ATP8A2: variants seen among roughly 807,000 people sequenced by gnomAD.
ATP8A2 encodes phospholipid-transporting ATPase IB.
ATP8A2 carries 100 observed loss-of-function variants against 165.6 expected under a neutral mutation model. That is an observed-to-expected ratio of 0.60 (90% CI 0.51 to 0.71). The LOEUF is 0.71. Ranked by LOEUF, ATP8A2 falls within the 30% of genes least tolerant of loss-of-function variation. The pLI is 0.00. For synonymous variants in ATP8A2, 543 were observed against 548.8 expected, an observed-to-expected ratio of 0.99 and a Z score of 0.15; for missense variants, 1,227 against 1,479.5, an observed-to-expected ratio of 0.83 and a Z score of 2.80.
chr13:25,594,903 A>G (rs1341201894), intron 24 of ATP8A2, among the ~76,000 whole-genome samples: 1 of 151,832 alleles, frequency 6.6e-6, no homozygotes, highest in African/African-American at 2.4e-5. Context: ...TAGCAGCACA[A>G]TTCACAGTTG....
At chr13:25,906,904 A>G (rs900759259) in intron 33 of ATP8A2, among the ~76,000 whole-genome samples, 2 of 152,198 alleles carry the variant, frequency 1.3e-5, no homozygotes, top group Non-Finnish European at 2.9e-5. Flanking sequence ...GAAAAGACTC[A>G]CGAAACTGTT....
At chr13:25,569,242 G>T (rs1217979694) in intron 16 of ATP8A2, among the ~76,000 whole-genome samples, 1 of 152,096 alleles carries the variant, frequency 6.6e-6, no homozygotes, top group East Asian at 1.9e-4. Context: ...AATTCCCTAA[G>T]CTCATGACTT....
chr13:25,514,759 C>G (rs1394488810), intron 2 of ATP8A2, among the ~76,000 whole-genome samples: 1 of 152,160 alleles, frequency 6.6e-6, no homozygotes, highest in Non-Finnish European at 1.5e-5. Flanking sequence ...TCTATGCTTG[C>G]CACAGACCCT....
chr13:25,594,992 A>G (rs1296197655), intron 24 of ATP8A2, among the ~76,000 whole-genome samples: 2 of 149,696 alleles, frequency 1.3e-5, no homozygotes, highest in Non-Finnish European at 3.0e-5. Flanking sequence ...GTGTATATAT[A>G]TATATATATA....
At chr13:25,577,449 T>A (rs538567734) in intron 20 of ATP8A2, among the ~76,000 whole-genome samples, 1 of 152,342 alleles carries the variant, frequency 6.6e-6, no homozygotes, top group South Asian at 2.1e-4. Context: ...TGTTTTGACT[T>A]TGGGAAGACA....
intron 13 of ATP8A2, among the ~76,000 whole-genome samples, chr13:25,557,437 G>A (rs1048161967): frequency 7.2e-5 from 11 of 151,914 alleles, no homozygotes; most frequent in African/African-American, 2.7e-4. Context: ...TCCTTCTCCT[G>A]TAAGAATCAG....
intron 25 of ATP8A2, 115 bp from the exon 26 acceptor site, chr13:25,768,931 G>A: frequency 2.1e-6 from 2 of 966,350 alleles, no homozygotes; most frequent in Non-Finnish European, 3.2e-6. Flanking sequence ...TAAAATGGAT[G>A]TATTGAATTT....
intron 33 of ATP8A2, among the ~76,000 whole-genome samples, chr13:25,949,086 C>G (rs568654957): frequency 6.6e-6 from 1 of 152,220 alleles, no homozygotes; most frequent in Non-Finnish European, 1.5e-5. Context: ...GTACCTTCTC[C>G]CTCTGCTGTG....
At chr13:25,583,909 T>C (rs1377788092) in intron 23 of ATP8A2, among the ~76,000 whole-genome samples, 1 of 152,228 alleles carries the variant, frequency 6.6e-6, no homozygotes, top group African/African-American at 2.4e-5. Flanking sequence ...AATTGATCTT[T>C]CTTAGCAAGT....
chr13:25,393,270 C>T (rs1051542037), intron 1 of ATP8A2, among the ~76,000 whole-genome samples: 1 of 151,972 alleles, frequency 6.6e-6, no homozygotes, highest in Non-Finnish European at 1.5e-5. Context: ...TCTGGGGCTA[C>T]AGGCGCGTGC....
intron 33 of ATP8A2, among the ~76,000 whole-genome samples, chr13:25,892,472 CTCTCTG>C (rs2138904544): frequency 6.7e-6 from 1 of 148,388 alleles, no homozygotes; most frequent in East Asian, 2.1e-4. Flanking sequence ...CTCTCTCTGT[CTCTCTG>C]TCTCTCTCTC....
chr13:25,756,382 A>C (rs1368144624), intron 25 of ATP8A2, among the ~76,000 whole-genome samples: 2 of 148,804 alleles, frequency 1.3e-5, no homozygotes. Flanking sequence ...GCTGGAGTGA[A>C]GTGGTGTGGT....
In ATP8A2 at chr13:26,020,164, A is replaced by G. The variant is rs9581507; in HGVS notation, c.*179A>G. On this transcript the variant is annotated 3_prime_UTR_variant, in exon 37 of 37. Transcript: ENST00000381655. ...CCCTCGCAAACCTGGAGTGCAGACC[A>G]CAGGGGAAGCTATCTTTGCCCTCCC... The G allele has an allele frequency of 0.03, 18,100 of 600,834 alleles. 622 individuals are homozygous for G. Among genetic ancestry groups the G allele is most frequent in the African/African-American group, 0.12 (6,589 of 53,982 alleles). The allele number at this position is 600,834 out of a possible 1,614,324, so 37.2% of individuals were successfully genotyped here.
chr13:25,723,092 A>G (rs1376876109), intron 25 of ATP8A2, among the ~76,000 whole-genome samples: 1 of 152,234 alleles, frequency 6.6e-6, no homozygotes, highest in African/African-American at 2.4e-5. Flanking sequence ...GGTGATAGAC[A>G]TTTGGCTTCT....
At chr13:25,458,174 C>T (rs770403792) in intron 1 of ATP8A2, among the ~76,000 whole-genome samples, 1 of 152,180 alleles carries the variant, frequency 6.6e-6, no homozygotes, top group Admixed American at 6.5e-5. Context: ...ACGTGTTCAT[C>T]GTATGTCTTT....
At chr13:25,567,817 A>G (rs1292601229) in intron 16 of ATP8A2, among the ~76,000 whole-genome samples, 1 of 152,170 alleles carries the variant, frequency 6.6e-6, no homozygotes, top group Non-Finnish European at 1.5e-5. Context: ...ATAGGCTCCA[A>G]TATTTTTCTT....
chr13:25,649,667 A>T (rs1161854498), intron 24 of ATP8A2, among the ~76,000 whole-genome samples: 1 of 152,058 alleles, frequency 6.6e-6, no homozygotes, highest in Non-Finnish European at 1.5e-5. Flanking sequence ...AGGTGTTGTT[A>T]GACTCCCAGG....
intron 1 of ATP8A2, among the ~76,000 whole-genome samples, chr13:25,436,639 G>A (rs776329610): frequency 6.6e-6 from 1 of 152,118 alleles, no homozygotes; most frequent in Admixed American, 6.5e-5. Context: ...GGGATTGTTG[G>A]GTTGAATGGT....
intron 27 of ATP8A2, among the ~76,000 whole-genome samples, chr13:25,804,029 A>G (rs1055554045): frequency 1.3e-5 from 2 of 152,252 alleles, no homozygotes; most frequent in Admixed American, 1.3e-4. Context: ...CACAGCAAGG[A>G]CAAAGAGATG....
Sources: allele counts gnomAD v4.1 joint callset (sites outside exome capture counted in the v4.1 genomes callset), GRCh38; gene constraint gnomAD v4.1.1; transcripts MANE v1.5; gene names NCBI Gene and HGNC (gene_info 2026-07-23, HGNC 2026-07-21).